MGAT4C: variants seen among roughly 807,000 people sequenced by gnomAD.
MGAT4C encodes the protein alpha-1,3-mannosyl-glycoprotein 4-beta-N-acetylglucosaminyltransferase C.
A neutral mutation model predicts 40.1 loss-of-function variants in MGAT4C; 19 were observed. That is an observed-to-expected ratio of 0.47 (90% CI 0.33 to 0.70). MGAT4C has a LOEUF of 0.70. Ranked by LOEUF, MGAT4C falls within the 30% of genes least tolerant of loss-of-function variation. The probability of loss-of-function intolerance (pLI) is 0.02; values close to 1 mark genes in which losing one functional copy is unlikely to be tolerated. For missense variants in MGAT4C, 491 were observed against 563.2 expected (o/e 0.87, Z 1.30); for synonymous variants, 181 against 187.1 (o/e 0.97, Z 0.27).
At chr12:85,999,583 G>GTATATATATATA (rs67914292) in intron 2 of MGAT4C, among the ~76,000 whole-genome samples, 18 of 122,966 alleles carry the variant, frequency 1.5e-4, no homozygotes, top group South Asian at 4.8e-4. Context: ...GTGTGTGTGT[G>GTATATATATATA]TATATATATA....
chr12:86,821,293 G>C (rs1022115262), intron 1 of MGAT4C, among the ~76,000 whole-genome samples: 1 of 150,782 alleles, frequency 6.6e-6, no homozygotes, highest in African/African-American at 2.4e-5. Flanking sequence ...TATATAGGTT[G>C]CACTGATAAG....
At chr12:86,140,030 TCTCC>T (rs1882607528) in intron 1 of MGAT4C, among the ~76,000 whole-genome samples, 2 of 152,144 alleles carry the variant, frequency 1.3e-5, no homozygotes, top group Non-Finnish European at 2.9e-5. Context: ...TGCCCTGACC[TCTCC>T]CTCATTTAGT....
chr12:86,649,733 T>C (rs1031668923), intron 2 of MGAT4C, among the ~76,000 whole-genome samples: 2 of 151,832 alleles, frequency 1.3e-5, no homozygotes, highest in African/African-American at 2.4e-5. Flanking sequence ...CGTTATTTTA[T>C]GTATTCTTTT....
chr12:86,114,315 C>T (rs946560597), intron 1 of MGAT4C, among the ~76,000 whole-genome samples: 2 of 151,802 alleles, frequency 1.3e-5, no homozygotes, highest in Non-Finnish European at 2.9e-5. Context: ...AGGTAGTGTA[C>T]GGGTATGAAT....
At chr12:86,708,912 C>T (rs957722746) in intron 2 of MGAT4C, among the ~76,000 whole-genome samples, 1 of 152,110 alleles carries the variant, frequency 6.6e-6, no homozygotes, top group Non-Finnish European at 1.5e-5. Context: ...AAGGGACTTG[C>T]CTTATCTCAG....
intron 1 of MGAT4C, among the ~76,000 whole-genome samples, chr12:86,056,713 T>C (rs1404389515): frequency 1.3e-5 from 2 of 152,258 alleles, no homozygotes; most frequent in East Asian, 1.9e-4. Flanking sequence ...TGTGTCTTTA[T>C]AGTAGCATTA....
chr12:86,321,724 C>G (rs574269575), intron 4 of MGAT4C, among the ~76,000 whole-genome samples: 1 of 152,118 alleles, frequency 6.6e-6, no homozygotes, highest in Non-Finnish European at 1.5e-5. Context: ...CAGGAAACAA[C>G]AGGTGCTGGA....
At chr12:86,405,442 T>C (rs888866350) in intron 3 of MGAT4C, among the ~76,000 whole-genome samples, 3 of 151,998 alleles carry the variant, frequency 2.0e-5, no homozygotes, top group Non-Finnish European at 4.4e-5. Context: ...ACCAGACTTG[T>C]ATGCTGAAAA....
chr12:86,277,484 G>C (rs1953104905), intron 4 of MGAT4C, among the ~76,000 whole-genome samples: 2 of 152,130 alleles, frequency 1.3e-5, no homozygotes, highest in East Asian at 3.9e-4. Flanking sequence ...CACTGTCCTG[G>C]AGACTTTTTC....
intron 1 of MGAT4C, among the ~76,000 whole-genome samples, chr12:86,144,749 T>A (rs1373598367): frequency 6.6e-6 from 1 of 152,202 alleles, no homozygotes; most frequent in Non-Finnish European, 1.5e-5. Flanking sequence ...TATGTTTTAA[T>A]TTTTATGTTC....
intron 1 of MGAT4C, among the ~76,000 whole-genome samples, chr12:86,245,945 C>T (rs898964199): frequency 6.6e-6 from 1 of 152,074 alleles, no homozygotes; most frequent in Middle Eastern, 3.2e-3. Flanking sequence ...CAAAAGTTTA[C>T]ACCATTATAC....
chr12:86,239,007 T>A (rs1951664382), intron 1 of MGAT4C, among the ~76,000 whole-genome samples: 1 of 152,108 alleles, frequency 6.6e-6, no homozygotes, highest in Admixed American at 6.6e-5. Flanking sequence ...TTTCTCCTTT[T>A]ATGATATTAA....
At chr12:86,052,402 T>C (rs1481947157) in intron 1 of MGAT4C, among the ~76,000 whole-genome samples, 1 of 151,992 alleles carries the variant, frequency 6.6e-6, no homozygotes, top group Non-Finnish European at 1.5e-5. Context: ...TACATTAATA[T>C]ATATTTTGAA....
intron 1 of MGAT4C, among the ~76,000 whole-genome samples, chr12:86,802,360 C>G (rs1952247065): frequency 6.6e-6 from 1 of 151,740 alleles, no homozygotes. Context: ...ATATTCTGTT[C>G]CTTTTGAGGT....
intron 3 of MGAT4C, among the ~76,000 whole-genome samples, chr12:86,399,288 TC>T (rs1177720718): frequency 3.3e-5 from 5 of 149,888 alleles, no homozygotes; most frequent in African/African-American, 7.4e-5. Context: ...ATTACATATT[TC>T]TTTTCTTTTT....
At chr12:86,789,020 G>A (rs1444616064) in intron 1 of MGAT4C, among the ~76,000 whole-genome samples, 1 of 152,054 alleles carries the variant, frequency 6.6e-6, no homozygotes, top group African/African-American at 2.4e-5. Context: ...TGTATTCATA[G>A]TGAAGTAATT....
At chr12:86,816,496 A>G (rs987271507) in intron 1 of MGAT4C, among the ~76,000 whole-genome samples, 2 of 151,724 alleles carry the variant, frequency 1.3e-5, no homozygotes, top group Non-Finnish European at 2.9e-5. Flanking sequence ...TTAACCTTCA[A>G]TCTTTCTCAC....
At chr12:86,479,930 C>T (rs574470601) in intron 2 of MGAT4C, among the ~76,000 whole-genome samples, 174 of 151,898 alleles carry the variant, frequency 1.1e-3, no homozygotes, top group African/African-American at 4.1e-3. Flanking sequence ...CTTTTTAATA[C>T]TTATTATTAT....
At chr12:86,055,749 CT>C (rs1451790438) in intron 1 of MGAT4C, among the ~76,000 whole-genome samples, 2 of 151,792 alleles carry the variant, frequency 1.3e-5, no homozygotes, top group South Asian at 4.1e-4. Flanking sequence ...CTTTTTAAAT[CT>C]TTACCATCCT....
Sources: gnomAD v4.1 joint callset for allele counts (sites outside exome capture counted in the v4.1 genomes callset) on GRCh38, gnomAD v4.1.1 for gene constraint, MANE v1.5 for transcripts, NCBI Gene and HGNC (gene_info 2026-07-23, HGNC 2026-07-21) for gene names.